Variants in KHDRBS1 observed in about 807,000 individuals in gnomAD.
KHDRBS1 encodes the protein KH RNA binding domain containing, signal transduction associated 1, also known as KH domain-containing, RNA-binding, signal transduction-associated protein 1.
A neutral mutation model predicts 48.4 loss-of-function variants in KHDRBS1; 7 were observed. That is an observed-to-expected ratio of 0.14 (90% CI 0.08 to 0.27). The LOEUF (loss-of-function observed/expected upper bound fraction) is 0.27, where lower values mean the gene tolerates loss of function less well. Among genes scored for constraint, KHDRBS1 ranks in the 10% least tolerant of loss-of-function variants. The probability of loss-of-function intolerance (pLI) is 1.00; values close to 1 mark genes in which losing one functional copy is unlikely to be tolerated. For synonymous variants in KHDRBS1, 241 were observed against 235.8 expected (o/e 1.02, Z -0.20); for missense variants, 458 against 601.2 (o/e 0.76, Z 2.49).
chr1:32,022,541 G>A (rs1047732517), intron 1 of KHDRBS1, among the ~76,000 whole-genome samples: 4 of 152,042 alleles, frequency 2.6e-5, no homozygotes, highest in Non-Finnish European at 4.4e-5. Context: ...AGAAATACTC[G>A]CTCTGGATAC....
intron 7 of KHDRBS1, among the ~76,000 whole-genome samples, 162 bp from the exon 8 acceptor site, chr1:32,039,353 C>G (rs542811527): frequency 6.6e-6 from 1 of 152,226 alleles, no homozygotes; most frequent in East Asian, 1.9e-4. Flanking sequence ...AGTACATAGT[C>G]TATACATATT....
intron 1 of KHDRBS1, among the ~76,000 whole-genome samples, chr1:32,016,980 G>T (rs747521563): frequency 6.6e-6 from 1 of 152,122 alleles, no homozygotes; most frequent in Non-Finnish European, 1.5e-5. Context: ...GATGACAGCC[G>T]TGCACGGTGG....
intron 1 of KHDRBS1, among the ~76,000 whole-genome samples, chr1:32,021,036 T>C (rs192105273): frequency 2.0e-5 from 3 of 152,306 alleles, no homozygotes; most frequent in Admixed American, 6.5e-5. Context: ...GATACAGATA[T>C]GCAAAATGTT....
At chr1:32,024,252 C>CA (rs905613921) in intron 1 of KHDRBS1, among the ~76,000 whole-genome samples, 1,587 of 139,732 alleles carry the variant, frequency 0.011, 25 homozygotes, top group Middle Eastern at 0.064. Flanking sequence ...GACTTCGTTT[C>CA]AAAAAAAAAA....
chr1:32,020,230 A>T (rs948462197), intron 1 of KHDRBS1, among the ~76,000 whole-genome samples: 1 of 151,094 alleles, frequency 6.6e-6, no homozygotes, highest in African/African-American at 2.4e-5. Flanking sequence ...AGAAAATTTA[A>T]AAATTAGCTG....
chr1:32,017,993 A>G (rs1399962986), intron 1 of KHDRBS1, among the ~76,000 whole-genome samples: 1 of 152,258 alleles, frequency 6.6e-6, no homozygotes, highest in East Asian at 1.9e-4. Context: ...GCAATCTGCA[A>G]AAGATCTTGG....
At chr1:32,050,913 C>CA (rs1180417952) in intron 10 of KHDRBS1, among the ~76,000 whole-genome samples, 2 of 151,722 alleles carry the variant, frequency 1.3e-5, no homozygotes, top group Non-Finnish European at 2.9e-5. Context: ...TTTTTTGAGA[C>CA]AGAGTCTCAC....
chr1:32,053,836 A>C (rs1326350071), intron 10 of KHDRBS1, among the ~76,000 whole-genome samples: 1 of 152,200 alleles, frequency 6.6e-6, no homozygotes, highest in Non-Finnish European at 1.5e-5. Flanking sequence ...TAATCCTAGC[A>C]CTTTGGGAGG....
intron 1 of KHDRBS1, 125 bp downstream of exon 1, chr1:32,014,502 C>T: frequency 1.0e-6 from 1 of 1,004,492 alleles, no homozygotes; most frequent in Middle Eastern, 3.5e-4. Flanking sequence ...GTCTCATCCT[C>T]ATTTTTGGGA....
At chr1:32,014,887 G>C (rs1569752491) in intron 1 of KHDRBS1, among the ~76,000 whole-genome samples, 2 of 152,344 alleles carry the variant, frequency 1.3e-5, no homozygotes, top group South Asian at 4.1e-4. Flanking sequence ...TGTCGCTGGG[G>C]CCGAGCCGGA....
At chr1:32,023,987 C>CA (rs1638912191) in intron 1 of KHDRBS1, among the ~76,000 whole-genome samples, 1 of 152,232 alleles carries the variant, frequency 6.6e-6, no homozygotes, top group East Asian at 1.9e-4. Flanking sequence ...CGCGGTGGCT[C>CA]ACGCCTGTAA....
chr1:32,050,549 G>T (rs1639406257), intron 10 of KHDRBS1, among the ~76,000 whole-genome samples: 1 of 152,032 alleles, frequency 6.6e-6, no homozygotes. Flanking sequence ...GTCTGACTCT[G>T]TCCCCCAGGC....
chr1:32,038,407 A>G (rs573521210), intron 6 of KHDRBS1, 145 bp from the exon 7 acceptor site: 96 of 775,718 alleles, frequency 1.2e-4, no homozygotes, highest in African/African-American at 1.1e-3. Flanking sequence ...TCTTTTGACT[A>G]TTCTACAGTA....
intron 10 of KHDRBS1, among the ~76,000 whole-genome samples, chr1:32,049,663 T>C (rs541909238): frequency 5.1e-4 from 77 of 150,766 alleles, no homozygotes; most frequent in African/African-American, 1.9e-3. Context: ...TTTTTTATTT[T>C]TTATTTTTTT....
intron 10 of KHDRBS1, among the ~76,000 whole-genome samples, chr1:32,053,008 C>G (rs1434515506): frequency 6.7e-6 from 1 of 149,782 alleles, no homozygotes; most frequent in Non-Finnish European, 1.5e-5. Context: ...AAATAAAAAG[C>G]TAGATGTGGT....
At chr1:32,030,907 A>G (rs989923283) in intron 2 of KHDRBS1, among the ~76,000 whole-genome samples, 1 of 151,214 alleles carries the variant, frequency 6.6e-6, no homozygotes, top group Non-Finnish European at 1.5e-5. Flanking sequence ...AAAGGGTGCT[A>G]TATAGTCTCT....
chr1:32,036,320 T>G (rs1639181600), intron 4 of KHDRBS1, among the ~76,000 whole-genome samples: 1 of 151,878 alleles, frequency 6.6e-6, no homozygotes, highest in Admixed American at 6.6e-5. Flanking sequence ...TACAGGTGCC[T>G]GCCGCGCCCG....
intron 1 of KHDRBS1, 37 bp downstream of exon 1, chr1:32,014,414 C>T: frequency 7.7e-7 from 1 of 1,295,400 alleles, no homozygotes; most frequent in Non-Finnish European, 9.9e-7. Context: ...GGTCGCCCGG[C>T]CATCCCGGGC....
At chr1:32,015,721 G>T (rs945152180) in intron 1 of KHDRBS1, among the ~76,000 whole-genome samples, 3 of 152,118 alleles carry the variant, frequency 2.0e-5, no homozygotes, top group Non-Finnish European at 2.9e-5. Context: ...CTGTTGGTTT[G>T]GGATGTATGA....
Sources: gnomAD v4.1 joint callset for allele counts (sites outside exome capture counted in the v4.1 genomes callset) on GRCh38, gnomAD v4.1.1 for gene constraint, MANE v1.5 for transcripts, NCBI Gene and HGNC (gene_info 2026-07-23, HGNC 2026-07-21) for gene names.